KLHL1: variants seen among roughly 807,000 people sequenced by gnomAD.
KLHL1 encodes kelch-like protein 1.
In KLHL1, 47 loss-of-function variants were observed where a neutral mutation model predicts 77.7. The ratio of observed to expected loss-of-function variants is 0.60; its 90% CI spans 0.48 to 0.77. The LOEUF (loss-of-function observed/expected upper bound fraction) is 0.77. Among genes scored for constraint, KLHL1 ranks in the 30% least tolerant of loss-of-function variants. The probability of loss-of-function intolerance (pLI) is 0.00; values close to 1 mark genes in which losing one functional copy is unlikely to be tolerated. For synonymous variants in KLHL1, 360 were observed against 325.2 expected, an observed-to-expected ratio of 1.11 and a Z score of -1.15; for missense variants, 925 against 910.8, an observed-to-expected ratio of 1.02 and a Z score of -0.20.
intron 8 of KLHL1, among the ~76,000 whole-genome samples, chr13:69,735,807 G>A (rs1873739360): frequency 6.6e-6 from 1 of 151,780 alleles, no homozygotes; most frequent in Non-Finnish European, 1.5e-5. Flanking sequence ...GGATGTTTAA[G>A]ATGACTTTTT....
chr13:69,725,843 A>G (rs1873272865), intron 8 of KLHL1, among the ~76,000 whole-genome samples: 1 of 152,144 alleles, frequency 6.6e-6, no homozygotes. Context: ...AAGCTTTCTC[A>G]TGGCATCAGA....
chr13:69,905,871 G>A (rs896238484), intron 4 of KLHL1, among the ~76,000 whole-genome samples: 1 of 151,978 alleles, frequency 6.6e-6, no homozygotes, highest in Non-Finnish European at 1.5e-5. Flanking sequence ...AAATGGCTTG[G>A]AATAGAGCTC....
intron 1 of KLHL1, among the ~76,000 whole-genome samples, chr13:70,014,216 C>T (rs1256280253): frequency 2.6e-5 from 4 of 151,858 alleles, no homozygotes; most frequent in Admixed American, 2.0e-4. Flanking sequence ...GAAAAATGAG[C>T]TGAAATGAAT....
chr13:70,056,323 A>C (rs1022284755), intron 1 of KLHL1, among the ~76,000 whole-genome samples: 4 of 152,116 alleles, frequency 2.6e-5, no homozygotes, highest in African/African-American at 9.6e-5. Flanking sequence ...GAATACTGGG[A>C]CACCCAGATA....
chr13:69,938,763 T>C (rs1883259742), intron 4 of KLHL1, among the ~76,000 whole-genome samples: 1 of 152,174 alleles, frequency 6.6e-6, no homozygotes, highest in Non-Finnish European at 1.5e-5. Flanking sequence ...GATTTGCCAA[T>C]AGAATTACAA....
Position 69,872,793 on chromosome 13 carries a change from C to T in KLHL1, c.1227+9490G>A, listed in dbSNP as rs148347992. Among the ~76,000 whole-genome samples, 413 of 152,194 alleles carry T rather than the reference C, an allele frequency of 2.7e-3. 6 individuals are homozygous for T. The East Asian group carries it at 0.051, about 19-fold the overall frequency. On this transcript the variant is annotated intron_variant, in intron 5 of 10. Transcript: ENST00000377844. ...GTGGGAGGGGCAAGGCTCTTTTTAA[C>T]AACCGGCTCTTGTGTAACTAATAGA... is the stretch of plus-strand genomic sequence containing the variant.
At position 69,837,656 on chromosome 13, in the gene KLHL1, A is replaced by ATATGTGTG. The variant is rs36068601; in HGVS notation, c.1414+1319_1414+1320insCACACATA. On this transcript the variant is annotated intron_variant, in intron 6 of 10. Coordinates refer to ENST00000377844, the MANE Select transcript of KLHL1 (RefSeq NM_020866.3). ...TATATATATATATGTGTATATATAT[A>ATATGTGTG]TGTGTGTGTGTGTGTATATATATAT... Among the ~76,000 whole-genome samples the ATATGTGTG allele has an allele frequency of 1.2e-3, 159 of 137,114 alleles. 5 individuals are homozygous for ATATGTGTG. Among genetic ancestry groups the ATATGTGTG allele is most frequent in the South Asian group, 4.0e-3 (18 of 4,542 alleles). 90.0% of individuals were successfully genotyped at this position (137,114 alleles called of 152,430 possible). A position where few individuals can be genotyped will look rare whatever the true frequency, so the allele number is the denominator to read the frequency against.
At position 70,107,565 on chromosome 13, in the gene KLHL1, G is replaced by T. The variant is rs761796623; in HGVS notation, c.135C>A (p.Ser45Arg). 1 of 1,605,870 alleles carries T rather than the reference G, an allele frequency of 6.2e-7. No homozygotes were observed. The highest frequency in any genetic ancestry group is 8.5e-7 in the Non-Finnish European group (1 of 1,176,008). ...TCTGGCTGGGTCCCCAGTGCTCAAA[G>T]CTGCCACTGCCGTCCTGTTGCAGGC... Reference protein sequence around the residue: ...GGCLQQDGSGSFEHWGPSQSR... With the variant: ...GGCLQQDGSGRFEHWGPSQSR... Residue 45 changes from serine to arginine, a missense_variant, in exon 1 of 11, where the codon AGC becomes AGA. By Grantham distance (110) the Ser-to-Arg change is moderately radical. Coordinates refer to ENST00000377844, the MANE Select transcript of KLHL1 (RefSeq NM_020866.3).
intron 1 of KLHL1, among the ~76,000 whole-genome samples, chr13:70,065,883 TG>T (rs1344308941): frequency 3.3e-5 from 5 of 149,394 alleles, no homozygotes; most frequent in African/African-American, 7.4e-5. Flanking sequence ...AAAACCAAGA[TG>T]AAAAAAAAAA....
At chr13:69,843,863 G>C (rs556454389) in intron 5 of KLHL1, among the ~76,000 whole-genome samples, 1 of 151,478 alleles carries the variant, frequency 6.6e-6, no homozygotes, top group Non-Finnish European at 1.5e-5. Flanking sequence ...GTGGAGGTTT[G>C]TTACATATGT....
intron 1 of KLHL1, among the ~76,000 whole-genome samples, chr13:70,034,344 T>A (rs1209938308): frequency 6.6e-6 from 1 of 152,134 alleles, no homozygotes; most frequent in Admixed American, 6.6e-5. Flanking sequence ...GAAATTCTCT[T>A]CCCTATTCCA....
intron 4 of KLHL1, among the ~76,000 whole-genome samples, chr13:69,920,735 C>G (rs1882604918): frequency 6.6e-6 from 1 of 151,956 alleles, no homozygotes; most frequent in Admixed American, 6.6e-5. Flanking sequence ...TGCTCTCGTT[C>G]AAAGAAGTTT....
At chr13:69,931,795 A>C (rs1247510573) in intron 4 of KLHL1, among the ~76,000 whole-genome samples, 2 of 151,762 alleles carry the variant, frequency 1.3e-5, no homozygotes, top group Non-Finnish European at 3.0e-5. Context: ...TAACTTAAAA[A>C]CAGGAACAGA....
chr13:70,078,837 T>C (rs1201107174), intron 1 of KLHL1, among the ~76,000 whole-genome samples: 2 of 152,206 alleles, frequency 1.3e-5, no homozygotes, highest in African/African-American at 4.8e-5. Context: ...TGACTTAATA[T>C]ACTCCATTAA....
intron 1 of KLHL1, among the ~76,000 whole-genome samples, chr13:69,995,845 A>G (rs757527039): frequency 5.3e-5 from 8 of 152,138 alleles, no homozygotes; most frequent in Non-Finnish European, 1.0e-4. Context: ...TGGAAAAGAT[A>G]TATCAGAAAC....
At chr13:69,849,498 CTCTA>C (rs1245788321) in intron 5 of KLHL1, among the ~76,000 whole-genome samples, 1 of 151,358 alleles carries the variant, frequency 6.6e-6, no homozygotes, top group East Asian at 1.9e-4. Flanking sequence ...TTCTCTCTCT[CTCTA>C]TCTTACTGTC....
intron 7 of KLHL1, among the ~76,000 whole-genome samples, chr13:69,751,013 G>A (rs905944692): frequency 6.6e-6 from 1 of 151,880 alleles, no homozygotes; most frequent in African/African-American, 2.4e-5. Context: ...CTGCCACAGT[G>A]AAACATGACA....
At chr13:69,865,265 G>T (rs1012731045) in intron 5 of KLHL1, among the ~76,000 whole-genome samples, 2 of 152,116 alleles carry the variant, frequency 1.3e-5, no homozygotes, top group Admixed American at 6.6e-5. Context: ...GGTAAACCAG[G>T]TGTTAATTAA....
intron 1 of KLHL1, among the ~76,000 whole-genome samples, chr13:70,035,947 C>T (rs1017290896): frequency 6.6e-6 from 1 of 151,944 alleles, no homozygotes; most frequent in Non-Finnish European, 1.5e-5. Context: ...AATATCATTG[C>T]TTTAGCAATT....
Sources: gnomAD v4.1 joint callset for allele counts (sites outside exome capture counted in the v4.1 genomes callset) on GRCh38, gnomAD v4.1.1 for gene constraint, MANE v1.5 for transcripts, NCBI Gene and HGNC (gene_info 2026-07-23, HGNC 2026-07-21) for gene names.